Variants in IGFBPL1 observed in about 807,000 individuals in gnomAD.
IGFBPL1 encodes insulin-like growth factor-binding protein-like 1.
In IGFBPL1, 20 loss-of-function variants were observed where a neutral mutation model predicts 23.9. The observed-to-expected ratio is 0.84, with a 90% CI of 0.59 to 1.22. IGFBPL1 has a LOEUF of 1.22. IGFBPL1 is among the 50% of genes most tolerant of loss of function. The pLI, the probability that IGFBPL1 is intolerant of heterozygous loss-of-function variation, is 0.00. For synonymous variants in IGFBPL1, 184 were observed against 171.8 expected (o/e 1.07, Z -0.56); for missense variants, 436 against 379.3 (o/e 1.15, Z -1.24).
chr9:38,409,434 A>C (rs973873289), intron 4 of IGFBPL1, among the ~76,000 whole-genome samples: 3 of 152,164 alleles, frequency 2.0e-5, no homozygotes, highest in Admixed American at 6.5e-5. Context: ...CAGCTTAATA[A>C]GATCTTTTCA....
chr9:38,424,169 CACAGCGCCCGCCGGCGCGGCCCCCGCA>C lies in IGFBPL1; in HGVS notation c.229_255del (p.Cys77_Cys85del). 1.4e-5 allele frequency: 16 copies of C among 1,178,726 alleles called. No individual in the cohort carries two copies. The highest frequency in any genetic ancestry group is 1.7e-5 in the Non-Finnish European group (16 of 955,054). The allele number at this position is 1,178,726 out of a possible 1,614,324, so 73.0% of individuals were successfully genotyped here. On this transcript the variant is annotated inframe_deletion, in exon 1 of 5. Transcript: ENST00000377694. The stretch of plus-strand genomic sequence containing the variant: ...TGGCTCGCGCATACCAGGCCGGGGC[CACAGCGCCCGCCGGCGCGGCCCCCGCA>C]GCTCGCGCCCTCGGCTCCCAGGCAG...
chr9:38,421,541 A>G (rs1821678778), intron 1 of IGFBPL1, among the ~76,000 whole-genome samples: 1 of 152,052 alleles, frequency 6.6e-6, no homozygotes, highest in African/African-American at 2.4e-5. Context: ...TCATTCCATG[A>G]AATCTAGGTG....
At position 38,424,016 on chromosome 9, in the gene IGFBPL1, G is replaced by A. The variant is rs1821721230; in HGVS notation, c.409C>T (p.Arg137Cys). The A allele has an allele frequency of 2.1e-6, 3 of 1,409,342 alleles. No individual in the cohort carries two copies. Among genetic ancestry groups the A allele is most frequent in the Non-Finnish European group, 2.7e-6 (3 of 1,092,218 alleles). 87.3% of individuals were successfully genotyped at this position (1,409,342 alleles called of 1,614,324 possible). A position where few individuals can be genotyped will look rare whatever the true frequency, so the allele number is the denominator to read the frequency against. Residue 137 changes from arginine (R) to cysteine (C), a missense_variant, in exon 1 of 5, where the codon CGC becomes TGC. Arg to Cys is a radical substitution (Grantham distance 180, BLOSUM62 -3). Coordinates refer to ENST00000377694, the MANE Select transcript of IGFBPL1 (RefSeq NM_001007563.3). ...TTGTGCAGGTGACCGGGGTGCGCGC[G>A]GGGCGTGTGCCGAGCGCGCAGGCGC... ...ALRLRARHTP[R>C]AHPGHLHKAR...
At chr9:38,423,913 G>T in intron 1 of IGFBPL1, 52 bp downstream of exon 1, 1 of 1,315,248 alleles carries the variant, frequency 7.6e-7, no homozygotes, top group Non-Finnish European at 9.7e-7. Flanking sequence ...CCACACCCCA[G>T]AGGGTTGGAA....
intron 3 of IGFBPL1, among the ~76,000 whole-genome samples, chr9:38,412,953 T>C (rs1207126119): frequency 6.6e-6 from 1 of 152,194 alleles, no homozygotes; most frequent in Admixed American, 6.5e-5. Context: ...TTATCTCAGC[T>C]GTTTAGCAAC....
At chr9:38,414,520 C>A (rs182790654) in intron 1 of IGFBPL1, among the ~76,000 whole-genome samples, 1 of 152,158 alleles carries the variant, frequency 6.6e-6, no homozygotes, top group Admixed American at 6.5e-5. Flanking sequence ...TTCCAGGCTC[C>A]GGCTGCCATC....
chr9:38,424,417 C>A lies in IGFBPL1; in HGVS notation c.8G>T (p.Arg3Leu). 1 of 596,452 alleles carries A rather than the reference C, an allele frequency of 1.7e-6. No homozygotes were observed. The allele number at this position is 596,452 out of a possible 1,614,324, so 36.9% of individuals were successfully genotyped here. A position where few individuals can be genotyped will look rare whatever the true frequency, so the allele number is the denominator to read the frequency against. The change falls in exon 1 of 5, where the codon CGC becomes CTC. Residue 3 changes from arginine to leucine, a missense_variant. Transcript: ENST00000377694. The stretch of plus-strand genomic sequence containing the variant: ...CAGCAGCGGCAAGAGCAGAGACAAG[C>A]GCGGCATGGCTTGCTCCGGGACAGC... MP[R>L]LSLLLPLLLL...
rs1010867030 is a variant in IGFBPL1 at position 38,408,224 on chromosome 9, G to A, written c.*1003C>T. On this transcript the variant is annotated 3_prime_UTR_variant, in exon 5 of 5. Transcript: ENST00000377694. ...AGCATAGGAATTTGAGACCAGCCTG[G>A]GCGGCAACATAGGGAGACCCTGTCT... 7.0e-6 allele frequency among the ~76,000 whole-genome samples: 1 copy of A among 143,418 alleles called. No homozygotes were observed. The allele number at this position is 143,418 out of a possible 152,430, so 94.1% of individuals were successfully genotyped here.
In IGFBPL1 at chr9:38,424,200, C is replaced by G; in HGVS notation, c.225G>C (p.Ala75=). The G allele has an allele frequency of 1.7e-6, 2 of 1,168,918 alleles. No homozygotes were observed. The highest frequency in any genetic ancestry group is 2.1e-6 in the Non-Finnish European group (2 of 948,846). 72.4% of individuals were successfully genotyped at this position (1,168,918 alleles called of 1,614,324 possible). The change falls in exon 1 of 5, where the codon GCG becomes GCC. Residue 75 remains alanine, a synonymous_variant. Coordinates refer to ENST00000377694, the MANE Select transcript of IGFBPL1 (RefSeq NM_001007563.3). ...GCCCGCCGGCGCGGCCCCCGCAGCT[C>G]GCGCCCTCGGCTCCCAGGCAGCGGG... is the stretch of plus-strand genomic sequence containing the variant. ...CCARCLGAEG[A]SCGGRAGGRC...
Position 38,413,344 on chromosome 9 carries a change from A to C in IGFBPL1, c.580T>G (p.Ser194Ala). Residue 194 changes from serine (S) to alanine (A), a missense_variant, in exon 3 of 5, where the codon TCC becomes GCC. Transcript: ENST00000377694. ...PVITWRKVTK[S>A]PEGTQALEEL... The stretch of plus-strand genomic sequence containing the variant: ...TCCAGTGCTTGGGTGCCCTCAGGGG[A>C]CTTCGTGACCTACAGGGGACAGGAA... 6.2e-7 allele frequency: 1 copy of C among 1,610,760 alleles called. No homozygotes were observed. Among genetic ancestry groups the C allele is most frequent in the Non-Finnish European group, 8.5e-7 (1 of 1,177,238 alleles).
At chr9:38,420,522 G>A (rs1396587944) in intron 1 of IGFBPL1, among the ~76,000 whole-genome samples, 1 of 152,246 alleles carries the variant, frequency 6.6e-6, no homozygotes, top group East Asian at 1.9e-4. Context: ...GCGGCTAGCT[G>A]TGCAGCGCCC....
Position 38,407,956 on chromosome 9 carries a change from G to GA in IGFBPL1, c.*1270dup, listed in dbSNP as rs79932186. Reference sequence around the variant, plus strand: ...TCTCCTTTCTTTTTTCATTAAAAAAGAAAAAAAAGAGAGCCTTACTCTTGG... The same window carrying GA: ...TCTCCTTTCTTTTTTCATTAAAAAAGAAAAAAAAAGAGAGCCTTACTCTTGG... On this transcript the variant is annotated 3_prime_UTR_variant, in exon 5 of 5. Coordinates refer to ENST00000377694, the MANE Select transcript of IGFBPL1 (RefSeq NM_001007563.3). Among the ~76,000 whole-genome samples, 62,340 of 151,132 alleles carry GA rather than the reference G, an allele frequency of 0.41. 13,153 individuals are homozygous for GA. The highest frequency in any genetic ancestry group is 0.53 in the East Asian group (2,734 of 5,150).
At chr9:38,423,290 A>C (rs1821707100) in intron 1 of IGFBPL1, among the ~76,000 whole-genome samples, 1 of 152,222 alleles carries the variant, frequency 6.6e-6, no homozygotes, top group South Asian at 2.1e-4. Flanking sequence ...AGTCCCTAGC[A>C]GTTCTATTCC....
intron 1 of IGFBPL1, among the ~76,000 whole-genome samples, chr9:38,416,765 C>T (rs888843927): frequency 1.3e-5 from 2 of 151,458 alleles, no homozygotes; most frequent in Admixed American, 1.3e-4. Flanking sequence ...GTCTTGAACT[C>T]CAGGGCTCAA....
rs1821511870 is a variant in IGFBPL1, at chr9:38,411,424, G to A, written c.813C>T (p.Phe271=). The A allele has an allele frequency of 1.9e-6, 3 of 1,613,534 alleles. No homozygotes were observed. The highest frequency in any genetic ancestry group is 3.3e-5 in the Admixed American group (2 of 59,918). The change falls in exon 4 of 5, where the codon TTC becomes TTT. Residue 271 remains phenylalanine, a synonymous_variant. Transcript: ENST00000377694. Reference sequence around the variant, plus strand: ...ATCACATGCGGTCATCGGGAGCTGGGAAGTGGAAGCTCCTGTATTTACTCA... The same window carrying A: ...ATCACATGCGGTCATCGGGAGCTGGAAAGTGGAAGCTCCTGTATTTACTCA... ...LDLSKYRSFH[F]PAPDDRM
chr9:38,413,565 C>A (rs191385269), intron 2 of IGFBPL1, among the ~76,000 whole-genome samples: 13 of 152,286 alleles, frequency 8.5e-5, no homozygotes, highest in African/African-American at 3.1e-4. Flanking sequence ...CAGCAAAGAC[C>A]CGAACATCAC....
Position 38,424,091 on chromosome 9 carries a change from C to A in IGFBPL1, c.334G>T (p.Gly112Cys). Residue 112 changes from glycine (G) to cysteine (C), a missense_variant, in exon 1 of 5, where the codon GGC (glycine) becomes TGC (cysteine). Coordinates refer to ENST00000377694, the MANE Select transcript of IGFBPL1 (RefSeq NM_001007563.3). ...CGACCGTCGGAGCCGCAGACGGTGC[C>A]GCGCTGCGCGCACACGCAGAGCCCG... Reference protein sequence around the residue: ...GTGLCVCAQRGTVCGSDGRSY... With the variant: ...GTGLCVCAQRCTVCGSDGRSY... The A allele has an allele frequency of 7.3e-7, 1 of 1,370,862 alleles. No individual in the cohort carries two copies. The highest frequency in any genetic ancestry group is 1.7e-5 in the South Asian group (1 of 59,974). The allele number at this position is 1,370,862 out of a possible 1,614,324, so 84.9% of individuals were successfully genotyped here.
rs79932186 is a variant in IGFBPL1 at position 38,407,956 on chromosome 9, G to GAA, written c.*1269_*1270dup. ...TCTCCTTTCTTTTTTCATTAAAAAA[G>GAA]AAAAAAAAGAGAGCCTTACTCTTGG... On this transcript the variant is annotated 3_prime_UTR_variant, in exon 5 of 5. Coordinates refer to ENST00000377694, the MANE Select transcript of IGFBPL1 (RefSeq NM_001007563.3). 5.3e-5 allele frequency among the ~76,000 whole-genome samples: 8 copies of GAA among 151,220 alleles called. No homozygotes were observed. In the East Asian group the frequency reaches 1.2e-3, roughly 22 times the overall value.
chr9:38,414,147 C>G lies in IGFBPL1; in HGVS notation c.517G>C (p.Gly173Arg), dbSNP rs370633804. 1.2e-6 allele frequency: 2 copies of G among 1,612,424 alleles called. No individual in the cohort carries two copies. Among genetic ancestry groups the G allele is most frequent in the African/African-American group, 1.3e-5 (1 of 74,656 alleles). Residue 173 changes from glycine (G) to arginine (R), a missense_variant, in exon 2 of 5, where the codon GGC (glycine) becomes CGC (arginine). Physicochemically the swap from Gly to Arg is moderately radical, Grantham distance 125. Coordinates refer to ENST00000377694, the MANE Select transcript of IGFBPL1 (RefSeq NM_001007563.3). ...ACAGCCCTCACTTCACAGGACAGGC[C>G]CACCTGCGCCCCGGTGACGTTGTGA... ...SVHNVTGAQV[G>R]LSCEVRAVPT...
Sources: allele counts gnomAD v4.1 joint callset (sites outside exome capture counted in the v4.1 genomes callset), GRCh38; gene constraint gnomAD v4.1.1; transcripts MANE v1.5; gene names NCBI Gene and HGNC (gene_info 2026-07-23, HGNC 2026-07-21).